PCDH9: variants seen among roughly 807,000 people sequenced by gnomAD.
PCDH9 encodes protocadherin 9, also known as protocadherin-9.
A neutral mutation model predicts 70.6 loss-of-function variants in PCDH9; 24 were observed. That is an observed-to-expected ratio of 0.34 (90% CI 0.25 to 0.48). The LOEUF is 0.48. Ranked by LOEUF, PCDH9 falls within the 20% of genes least tolerant of loss-of-function variation. PCDH9 has a pLI of 0.99. For missense variants in PCDH9, 1,281 were observed against 1,503.6 expected, an observed-to-expected ratio of 0.85 and a Z score of 2.45; for synonymous variants, 562 against 558.5, an observed-to-expected ratio of 1.01 and a Z score of -0.09.
At chr13:66,786,503 A>C (rs2080082193) in intron 3 of PCDH9, among the ~76,000 whole-genome samples, 2 of 152,186 alleles carry the variant, frequency 1.3e-5, no homozygotes, top group African/African-American at 2.4e-5. Flanking sequence ...AGAAGAAGAA[A>C]GTTCTGATTT....
At chr13:66,592,682 C>T (rs1466135732) in intron 4 of PCDH9, among the ~76,000 whole-genome samples, 1 of 151,518 alleles carries the variant, frequency 6.6e-6, no homozygotes, top group Non-Finnish European at 1.5e-5. Context: ...CTCATTTTAT[C>T]TATGTTGTCT....
At chr13:66,472,486 T>C (rs1053544491) in intron 4 of PCDH9, among the ~76,000 whole-genome samples, 8 of 151,464 alleles carry the variant, frequency 5.3e-5, no homozygotes, top group Non-Finnish European at 1.0e-4. Context: ...GGAGGATCAC[T>C]TGAGCAAGGG....
chr13:67,115,154 T>C (rs1475624458), intron 2 of PCDH9, among the ~76,000 whole-genome samples: 4 of 152,310 alleles, frequency 2.6e-5, no homozygotes, highest in Middle Eastern at 3.4e-3. Flanking sequence ...TATAGGTAAA[T>C]GATATTCTGT....
rs373616502 is a variant in PCDH9 at position 66,804,610 on chromosome 13, T to C, written c.3138+98894A>G. Among the ~76,000 whole-genome samples the C allele has an allele frequency of 2.0e-5, 3 of 152,174 alleles. No individual in the cohort carries two copies. The East Asian group carries it at 5.8e-4, about 29-fold the overall frequency. ...CAGCAAGCCTCTTTTGCCCAATTAC[T>C]GTTCAAAGGAATTTGTTGTTAACTA... On this transcript the variant is annotated intron_variant, in intron 3 of 4. Transcript: ENST00000377865.
intron 3 of PCDH9, among the ~76,000 whole-genome samples, chr13:66,747,105 G>C (rs910285709): frequency 6.6e-5 from 10 of 152,092 alleles, no homozygotes; most frequent in African/African-American, 1.9e-4. Flanking sequence ...TAATCCCAGC[G>C]CCTTGGGAGG....
chr13:67,194,236 A>C (rs1195251160), intron 2 of PCDH9, among the ~76,000 whole-genome samples: 1 of 152,192 alleles, frequency 6.6e-6, no homozygotes, highest in Non-Finnish European at 1.5e-5. Context: ...TACAGAAATT[A>C]TAAAACATTC....
At chr13:67,025,233 A>G (rs1190089797) in intron 2 of PCDH9, among the ~76,000 whole-genome samples, 3 of 152,014 alleles carry the variant, frequency 2.0e-5, no homozygotes, top group African/African-American at 7.2e-5. Flanking sequence ...GGTTTGGTAT[A>G]TTTTCTTTTG....
rs1235458137 is a variant in PCDH9, at chr13:66,903,606, C to A, written c.3037-1G>T. ...TGTCACTTTTGCTGTGTGAGTTACACTGAAAGAGATTACCAAATAATTGTG... is the reference window on the plus strand; with the variant it reads ...TGTCACTTTTGCTGTGTGAGTTACAATGAAAGAGATTACCAAATAATTGTG... On this transcript the variant is annotated splice_acceptor_variant, in intron 2 of 4. Coordinates refer to ENST00000377865, the MANE Select transcript of PCDH9 (RefSeq NM_203487.3). LOFTEE classifies it high-confidence loss of function. 3.0e-6 allele frequency: 4 copies of A among 1,337,790 alleles called. No homozygotes were observed. Among genetic ancestry groups the A allele is most frequent in the Non-Finnish European group, 4.3e-6 (4 of 931,006 alleles). The allele number at this position is 1,337,790 out of a possible 1,614,324, so 82.9% of individuals were successfully genotyped here. A position where few individuals can be genotyped will look rare whatever the true frequency, so the allele number is the denominator to read the frequency against.
At chr13:67,095,231 A>C (rs1383142163) in intron 2 of PCDH9, among the ~76,000 whole-genome samples, 1 of 152,144 alleles carries the variant, frequency 6.6e-6, no homozygotes, top group Non-Finnish European at 1.5e-5. Context: ...AGCTGTGTCC[A>C]AGGAGTATTT....
chr13:67,124,428 TATAA>T (rs752940933), intron 2 of PCDH9, among the ~76,000 whole-genome samples: 1 of 152,118 alleles, frequency 6.6e-6, no homozygotes, highest in African/African-American at 2.4e-5. Context: ...AATAAAAGAA[TATAA>T]ATAACCTGTT....
chr13:66,367,844 T>C lies in PCDH9; in HGVS notation c.3341-62816A>G, dbSNP rs1956579520. On this transcript the variant is annotated intron_variant, in intron 4 of 4. Coordinates refer to ENST00000377865, the MANE Select transcript of PCDH9 (RefSeq NM_203487.3). The stretch of plus-strand genomic sequence containing the variant: ...GATGAAGTTTGCCTTTAAAAAATAA[T>C]TCTAGGAACTCTGTAAAGCTTATTA... Among the ~76,000 whole-genome samples the C allele has an allele frequency of 2.0e-5, 3 of 152,136 alleles. No homozygotes were observed. The South Asian group carries it at 6.2e-4, about 31-fold the overall frequency.
At chr13:66,374,139 G>A (rs1956706803) in intron 4 of PCDH9, among the ~76,000 whole-genome samples, 1 of 152,040 alleles carries the variant, frequency 6.6e-6, no homozygotes, top group South Asian at 2.1e-4. Flanking sequence ...GATCAATGCT[G>A]AGAACAAAGG....
chr13:67,157,671 G>GA (rs890834589), intron 2 of PCDH9, among the ~76,000 whole-genome samples: 4 of 152,124 alleles, frequency 2.6e-5, no homozygotes, highest in East Asian at 1.9e-4. Context: ...GAGAATTAAT[G>GA]AAAAAAATAC....
chr13:67,208,398 T>A (rs888974100), intron 2 of PCDH9: 4 of 152,148 alleles, frequency 2.6e-5, no homozygotes, highest in African/African-American at 9.7e-5. Context: ...AGAAAGCATA[T>A]CATGTTCAGA....
intron 4 of PCDH9, among the ~76,000 whole-genome samples, chr13:66,507,003 A>C (rs1594080344): frequency 6.6e-6 from 1 of 152,334 alleles, no homozygotes; most frequent in East Asian, 1.9e-4. Flanking sequence ...AGACTTGCAT[A>C]TTTTTATTGT....
intron 4 of PCDH9, among the ~76,000 whole-genome samples, chr13:66,563,693 A>C (rs572054549): frequency 4.5e-4 from 68 of 152,222 alleles, no homozygotes; most frequent in Non-Finnish European, 4.4e-4. Flanking sequence ...TTCTCAAGAC[A>C]TTCACATGAT....
At chr13:66,472,145 GA>G (rs765641871) in intron 4 of PCDH9, among the ~76,000 whole-genome samples, 3 of 147,196 alleles carry the variant, frequency 2.0e-5, no homozygotes, top group Non-Finnish European at 4.4e-5. Context: ...CTGGCAGGCA[GA>G]GGTTACAGTG....
intron 3 of PCDH9, among the ~76,000 whole-genome samples, chr13:66,866,964 AACT>A (rs1311761990): frequency 6.6e-6 from 1 of 151,896 alleles, no homozygotes; most frequent in Non-Finnish European, 1.5e-5. Flanking sequence ...ACCAAACACT[AACT>A]GTGGATGGTT....
intron 3 of PCDH9, among the ~76,000 whole-genome samples, chr13:66,752,842 A>G (rs2079481973): frequency 6.6e-6 from 1 of 152,192 alleles, no homozygotes; most frequent in Non-Finnish European, 1.5e-5. Context: ...AATAGGGGTT[A>G]ACCTTTCAAC....
Sources: allele counts gnomAD v4.1 joint callset (sites outside exome capture counted in the v4.1 genomes callset), GRCh38; gene constraint gnomAD v4.1.1; transcripts MANE v1.5; gene names NCBI Gene and HGNC (gene_info 2026-07-23, HGNC 2026-07-21).